FAM171B: variants seen among roughly 807,000 people sequenced by gnomAD.
The protein encoded by FAM171B is family with sequence similarity 171 member B, also known as protein FAM171B.
Under a neutral mutation model 75.6 loss-of-function variants are expected in FAM171B, and 19 were observed. That is an observed-to-expected ratio of 0.25 (90% CI 0.18 to 0.37). The LOEUF is 0.37. FAM171B is among the 10% of genes least tolerant of loss of function. The pLI is 1.00. For missense variants in FAM171B, 848 were observed against 982.4 expected (o/e 0.86, Z 1.83); for synonymous variants, 367 against 361.7 (o/e 1.01, Z -0.17).
chr2:186,751,331 G>T, intron 5 of FAM171B, 27 bp downstream of exon 5: 2 of 1,476,570 alleles, frequency 1.4e-6, no homozygotes, highest in Admixed American at 2.1e-5. Context: ...AAAATAGTCT[G>T]AATATTTTAC....
At chr2:186,695,995 A>AAT (rs3029380) in intron 1 of FAM171B, among the ~76,000 whole-genome samples, 69 of 151,460 alleles carry the variant, frequency 4.6e-4, no homozygotes, top group Admixed American at 1.8e-3. Flanking sequence ...TGACTACTGT[A>AAT]ATATATATAT....
chr2:186,706,479 T>C lies in FAM171B; in HGVS notation c.238+12068T>C, dbSNP rs529081406. On this transcript the variant is annotated intron_variant, in intron 1 of 7. Transcript: ENST00000304698. ...GAATGGCAGGGAGAATTTCTGTACT[T>C]TGAGCACTAGCTCTATCTTAACAGA... 5.3e-5 allele frequency among the ~76,000 whole-genome samples: 8 copies of C among 152,358 alleles called. No individual in the cohort carries two copies. The East Asian group carries it at 1.5e-3, about 29-fold the overall frequency.
intron 1 of FAM171B, among the ~76,000 whole-genome samples, chr2:186,711,031 A>G (rs1294663797): frequency 6.6e-6 from 1 of 152,188 alleles, no homozygotes; most frequent in Non-Finnish European, 1.5e-5. Context: ...TTTAAAAAAA[A>G]TGGTAATGGT....
chr2:186,765,139 A>G lies in FAM171B; in HGVS notation c.*2316A>G, dbSNP rs1690680402. The G allele has an allele frequency of 6.6e-6, 1 of 151,958 alleles. No individual in the cohort carries two copies. Among genetic ancestry groups the G allele is most frequent in the African/African-American group, 2.4e-5 (1 of 41,404 alleles). The allele number at this position is 151,958 out of a possible 1,614,324, so 9.4% of individuals were successfully genotyped here. A position where few individuals can be genotyped will look rare whatever the true frequency, so the allele number is the denominator to read the frequency against. The stretch of plus-strand genomic sequence containing the variant: ...AGAGTGTGACTTCTCATTTGTGAGT[A>G]GTTCACAAATTTCCTGTTAAAAAGC... On this transcript the variant is annotated 3_prime_UTR_variant, in exon 8 of 8. Coordinates refer to ENST00000304698, the MANE Select transcript of FAM171B (RefSeq NM_177454.4).
At chr2:186,751,109 T>G in intron 4 of FAM171B, 25 bp from the exon 5 acceptor site, 1 of 1,539,578 alleles carries the variant, frequency 6.5e-7, no homozygotes, top group Non-Finnish European at 8.8e-7. Context: ...TACATATGAT[T>G]TTAATAAACT....
chr2:186,739,942 C>T (rs565686355), intron 1 of FAM171B, among the ~76,000 whole-genome samples: 5 of 152,248 alleles, frequency 3.3e-5, no homozygotes, highest in East Asian at 3.9e-4. Flanking sequence ...ATGGCCATGA[C>T]GTCACTAGGC....
At chr2:186,723,307 C>T (rs867019113) in intron 1 of FAM171B, among the ~76,000 whole-genome samples, 1 of 152,176 alleles carries the variant, frequency 6.6e-6, no homozygotes, top group African/African-American at 2.4e-5. Context: ...TTTGAAACAC[C>T]TGGAGGATGA....
At chr2:186,699,752 T>C (rs1574094226) in intron 1 of FAM171B, among the ~76,000 whole-genome samples, 1 of 152,190 alleles carries the variant, frequency 6.6e-6, no homozygotes, top group African/African-American at 2.4e-5. Context: ...TTTCATAGTT[T>C]GAGGTCTTAG....
chr2:186,712,632 G>A (rs1325639023), intron 1 of FAM171B, among the ~76,000 whole-genome samples: 1 of 152,036 alleles, frequency 6.6e-6, no homozygotes, highest in African/African-American at 2.4e-5. Context: ...TAAACCTGGG[G>A]CACTTTTCAG....
At chr2:186,745,236 A>G (rs1690349854) in intron 3 of FAM171B, among the ~76,000 whole-genome samples, 1 of 152,222 alleles carries the variant, frequency 6.6e-6, no homozygotes, top group African/African-American at 2.4e-5. Flanking sequence ...GCTCTGTTTA[A>G]TGCTATTGGG....
At chr2:186,748,310 CTT>C (rs74268937) in intron 4 of FAM171B, among the ~76,000 whole-genome samples, 1 of 140,704 alleles carries the variant, frequency 7.1e-6, no homozygotes, top group Non-Finnish European at 1.6e-5. Flanking sequence ...CTGATAGTTT[CTT>C]TTTTTTTTTT....
chr2:186,700,237 TG>T (rs1453807087), intron 1 of FAM171B, among the ~76,000 whole-genome samples: 12 of 151,810 alleles, frequency 7.9e-5, no homozygotes, highest in Non-Finnish European at 1.3e-4. Context: ...GACTGAGTTT[TG>T]TTTTTTTTTT....
chr2:186,742,828 C>T (rs998545267), intron 2 of FAM171B, among the ~76,000 whole-genome samples: 2 of 152,168 alleles, frequency 1.3e-5, no homozygotes, highest in African/African-American at 4.8e-5. Context: ...CTTCTTGCTC[C>T]AATCTTGAAA....
Position 186,694,216 on chromosome 2 carries a change from G to A in FAM171B, c.43G>A (p.Gly15Ser). Residue 15 changes from glycine (G) to serine (S), a missense_variant, in exon 1 of 8, where the codon GGC becomes AGC. By Grantham distance (56) the Gly-to-Ser change is moderately conservative. Coordinates refer to ENST00000304698, the MANE Select transcript of FAM171B (RefSeq NM_177454.4). Reference sequence around the variant, plus strand: ...GCGTGTCCCCTGCACCCTGCTTCTCGGCCTGGCCGTGGTGCTGCTGAAAGC... The same window carrying A: ...GCGTGTCCCCTGCACCCTGCTTCTCAGCCTGGCCGTGGTGCTGCTGAAAGC... ...CRRVPCTLLL[G>S]LAVVLLKARL... The A allele has an allele frequency of 1.9e-6, 3 of 1,609,208 alleles. No individual in the cohort carries two copies. Among genetic ancestry groups the A allele is most frequent in the Non-Finnish European group, 2.5e-6 (3 of 1,179,776 alleles).
chr2:186,705,296 G>T (rs1294979572), intron 1 of FAM171B, among the ~76,000 whole-genome samples: 1 of 152,110 alleles, frequency 6.6e-6, no homozygotes, highest in Non-Finnish European at 1.5e-5. Context: ...CCATGGAAAG[G>T]GGTGGTAACT....
intron 2 of FAM171B, among the ~76,000 whole-genome samples, chr2:186,741,594 T>C (rs942501279): frequency 6.6e-6 from 1 of 152,140 alleles, no homozygotes; most frequent in Non-Finnish European, 1.5e-5. Flanking sequence ...TTTAATAATC[T>C]AAGATTAGTA....
intron 1 of FAM171B, among the ~76,000 whole-genome samples, chr2:186,708,922 A>G (rs994300598): frequency 6.6e-6 from 1 of 152,346 alleles, no homozygotes; most frequent in South Asian, 2.1e-4. Context: ...TTGCACTGCT[A>G]TAAATACCTG....
intron 5 of FAM171B, 114 bp from the exon 6 acceptor site, chr2:186,753,819 T>A: frequency 1.4e-6 from 1 of 710,828 alleles, no homozygotes; most frequent in Non-Finnish European, 2.5e-6. Flanking sequence ...TAGCCTATGA[T>A]TATATATTGC....
intron 1 of FAM171B, among the ~76,000 whole-genome samples, chr2:186,734,847 G>C (rs963952472): frequency 6.6e-6 from 1 of 152,240 alleles, no homozygotes; most frequent in African/African-American, 2.4e-5. Flanking sequence ...GCCTATCATT[G>C]CTGCCCCCAA....
Sources: allele counts gnomAD v4.1 joint callset (sites outside exome capture counted in the v4.1 genomes callset), GRCh38; gene constraint gnomAD v4.1.1; transcripts MANE v1.5; gene names NCBI Gene and HGNC (gene_info 2026-07-23, HGNC 2026-07-21).